Variants in GRIA4 observed in about 807,000 individuals in gnomAD.
GRIA4 encodes the protein glutamate receptor 4.
Under a neutral mutation model 104.0 loss-of-function variants are expected in GRIA4, and 34 were observed. The ratio of observed to expected loss-of-function variants is 0.33; its 90% CI spans 0.25 to 0.44. GRIA4 has a LOEUF of 0.44. GRIA4 is among the 20% of genes least tolerant of loss of function. The pLI is 1.00. For synonymous variants in GRIA4, 386 were observed against 381.9 expected (o/e 1.01, Z -0.13); for missense variants, 750 against 1,096.5 (o/e 0.68, Z 4.46).
chr11:105,712,672 G>T (rs1413299551), intron 3 of GRIA4, among the ~76,000 whole-genome samples: 6 of 151,010 alleles, frequency 4.0e-5, no homozygotes, highest in African/African-American at 1.5e-4. Flanking sequence ...TTTCACATAG[G>T]TGTTTTGTTT....
chr11:105,756,892 G>A (rs1289663012), intron 4 of GRIA4, among the ~76,000 whole-genome samples: 2 of 152,104 alleles, frequency 1.3e-5, no homozygotes, highest in African/African-American at 4.8e-5. Context: ...CAAGTATGAG[G>A]ATCATCCATC....
intron 3 of GRIA4, among the ~76,000 whole-genome samples, chr11:105,728,655 T>C (rs540942031): frequency 6.6e-6 from 1 of 152,282 alleles, no homozygotes; most frequent in East Asian, 1.9e-4. Context: ...ACAAACAGTC[T>C]CAGACTGCAG....
At chr11:105,697,381 A>G (rs1389917871) in intron 3 of GRIA4, among the ~76,000 whole-genome samples, 1 of 152,170 alleles carries the variant, frequency 6.6e-6, no homozygotes, top group Non-Finnish European at 1.5e-5. Context: ...GGATTCATTC[A>G]ATAAAAAGAG....
chr11:105,630,123 A>T (rs1435076614), intron 3 of GRIA4, among the ~76,000 whole-genome samples: 1 of 152,120 alleles, frequency 6.6e-6, no homozygotes, highest in African/African-American at 2.4e-5. Context: ...CTTTGCTATG[A>T]TCTCAAGGCA....
intron 11 of GRIA4, among the ~76,000 whole-genome samples, chr11:105,922,251 T>C (rs946281473): frequency 3.9e-5 from 6 of 152,150 alleles, no homozygotes; most frequent in Non-Finnish European, 5.9e-5. Context: ...AGTACAAGAA[T>C]ATCTAATTTC....
At chr11:105,893,910 T>C (rs946468948) in intron 6 of GRIA4, among the ~76,000 whole-genome samples, 2 of 152,196 alleles carry the variant, frequency 1.3e-5, no homozygotes, top group African/African-American at 4.8e-5. Flanking sequence ...GACAGTGTTT[T>C]TCCCATTTCA....
Position 105,981,211 on chromosome 11 carries a change from T to A in GRIA4, c.*1472T>A, listed in dbSNP as rs1057349134. On this transcript the variant is annotated 3_prime_UTR_variant, in exon 17 of 17. Coordinates refer to ENST00000282499, the MANE Select transcript of GRIA4 (RefSeq NM_000829.4). ...AAAAGAAGGTTTGGTTCATTTGAAATAATAAATAAGTACTCTAATACAGAT... is the reference window on the plus strand; with the variant it reads ...AAAAGAAGGTTTGGTTCATTTGAAAAAATAAATAAGTACTCTAATACAGAT... 6 of 152,626 alleles carry A rather than the reference T, an allele frequency of 3.9e-5. No homozygotes were observed. Among genetic ancestry groups the A allele is most frequent in the African/African-American group, 1.4e-4 (6 of 41,450 alleles). The allele number at this position is 152,626 out of a possible 1,614,324, so 9.5% of individuals were successfully genotyped here.
chr11:105,971,227 G>A (rs1858674267), intron 14 of GRIA4, among the ~76,000 whole-genome samples: 1 of 152,190 alleles, frequency 6.6e-6, no homozygotes, highest in Non-Finnish European at 1.5e-5. Context: ...AGACAAGATA[G>A]ATGAAAATTG....
intron 3 of GRIA4, among the ~76,000 whole-genome samples, chr11:105,666,115 G>A (rs1376073735): frequency 6.6e-6 from 1 of 151,946 alleles, no homozygotes; most frequent in African/African-American, 2.4e-5. Flanking sequence ...TAATAGGTAA[G>A]GCTGTGTACT....
At chr11:105,703,107 T>A (rs1444323416) in intron 3 of GRIA4, among the ~76,000 whole-genome samples, 1 of 152,192 alleles carries the variant, frequency 6.6e-6, no homozygotes, top group Admixed American at 6.6e-5. Flanking sequence ...CAACCTATAC[T>A]AATGTCAAGA....
At chr11:105,939,995 G>A (rs577957579) in intron 14 of GRIA4, among the ~76,000 whole-genome samples, 4 of 152,178 alleles carry the variant, frequency 2.6e-5, no homozygotes, top group East Asian at 1.9e-4. Flanking sequence ...AAATCACACC[G>A]CAGTGGATTC....
At chr11:105,732,463 C>T (rs937157845) in intron 3 of GRIA4, among the ~76,000 whole-genome samples, 4 of 152,102 alleles carry the variant, frequency 2.6e-5, no homozygotes, top group East Asian at 3.9e-4. Context: ...GCCTACAAGC[C>T]GTCATGGTTT....
intron 3 of GRIA4, among the ~76,000 whole-genome samples, chr11:105,635,999 A>G (rs1418214243): frequency 6.6e-6 from 1 of 152,216 alleles, no homozygotes; most frequent in African/African-American, 2.4e-5. Context: ...CAGAGGCAGC[A>G]TTGCCTCCCA....
intron 14 of GRIA4, among the ~76,000 whole-genome samples, chr11:105,968,629 A>C (rs1858518294): frequency 6.6e-6 from 1 of 152,218 alleles, no homozygotes; most frequent in Non-Finnish European, 1.5e-5. Flanking sequence ...GAAATGCATG[A>C]CTTGTGGGGT....
At chr11:105,713,487 A>G (rs542990792) in intron 3 of GRIA4, among the ~76,000 whole-genome samples, 4 of 152,324 alleles carry the variant, frequency 2.6e-5, no homozygotes, top group Admixed American at 2.6e-4. Flanking sequence ...TGATGGAATT[A>G]TGGGATCTTT....
At chr11:105,971,773 C>G in intron 14 of GRIA4, 141 bp from the exon 15 acceptor site, 1 of 496,898 alleles carries the variant, frequency 2.0e-6, no homozygotes. Flanking sequence ...ATGTCTGATT[C>G]TAAACCTGGG....
At chr11:105,794,512 T>TACAC (rs1555010393) in intron 4 of GRIA4, among the ~76,000 whole-genome samples, 26 of 106,890 alleles carry the variant, frequency 2.4e-4, no homozygotes, top group African/African-American at 9.2e-4. Flanking sequence ...TATATATATA[T>TACAC]ACATATACAC....
At chr11:105,964,625 T>C (rs17482908) in intron 14 of GRIA4, among the ~76,000 whole-genome samples, 6,900 of 152,212 alleles carry the variant, frequency 0.045, 210 homozygotes, top group Non-Finnish European at 0.074. Context: ...ATCACAAACG[T>C]TACCCAAATT....
intron 3 of GRIA4, among the ~76,000 whole-genome samples, chr11:105,655,403 T>C (rs1167857039): frequency 6.6e-6 from 1 of 152,152 alleles, no homozygotes. Flanking sequence ...GTTTGTTACA[T>C]AGGTATACAT....
Sources: gnomAD v4.1 joint callset for allele counts (sites outside exome capture counted in the v4.1 genomes callset) on GRCh38, gnomAD v4.1.1 for gene constraint, MANE v1.5 for transcripts, NCBI Gene and HGNC (gene_info 2026-07-23, HGNC 2026-07-21) for gene names.